SIPA1L1: variants seen among roughly 807,000 people sequenced by gnomAD.
SIPA1L1 encodes signal-induced proliferation-associated 1-like protein 1.
In SIPA1L1, 26 loss-of-function variants were observed where a neutral mutation model predicts 162.7. The ratio of observed to expected loss-of-function variants is 0.16; its 90% CI spans 0.12 to 0.22. The LOEUF is 0.22. Among genes scored for constraint, SIPA1L1 ranks in the 10% least tolerant of loss-of-function variants. SIPA1L1 has a pLI of 1.00. For missense variants in SIPA1L1, 1,874 were observed against 2,241.0 expected, an observed-to-expected ratio of 0.84 and a Z score of 3.31; for synonymous variants, 829 against 837.4, an observed-to-expected ratio of 0.99 and a Z score of 0.17.
chr14:71,555,640 A>G (rs1193946425), intron 4 of SIPA1L1, among the ~76,000 whole-genome samples: 1 of 152,154 alleles, frequency 6.6e-6, no homozygotes, highest in Non-Finnish European at 1.5e-5. Context: ...CAGCCTCTCA[A>G]CTTTCAAATG....
chr14:71,690,241 C>G (rs1013673301), intron 13 of SIPA1L1, among the ~76,000 whole-genome samples: 1 of 151,938 alleles, frequency 6.6e-6, no homozygotes, highest in Non-Finnish European at 1.5e-5. Context: ...TTCCATATTT[C>G]TTTTCATTTC....
intron 8 of SIPA1L1, among the ~76,000 whole-genome samples, chr14:71,657,858 G>A (rs1317840015): frequency 6.6e-6 from 1 of 151,960 alleles, no homozygotes; most frequent in Admixed American, 6.6e-5. Context: ...ATGGCCATAG[G>A]CAGTAAACCA....
At chr14:71,584,954 A>G (rs993314793) in intron 4 of SIPA1L1, among the ~76,000 whole-genome samples, 1 of 152,212 alleles carries the variant, frequency 6.6e-6, no homozygotes, top group Non-Finnish European at 1.5e-5. Flanking sequence ...TTGCTGTTTC[A>G]GTCAACCCTA....
chr14:71,523,512 T>C lies in SIPA1L1; in HGVS notation c.-361-5800T>C, dbSNP rs370429282. 1.3e-4 allele frequency among the ~76,000 whole-genome samples: 20 copies of C among 152,268 alleles called. No individual in the cohort carries two copies. In the East Asian group the frequency reaches 3.1e-3, roughly 24 times the overall value. On this transcript the variant is annotated intron_variant, in intron 3 of 23. Coordinates refer to ENST00000381232, the MANE Select transcript of SIPA1L1 (RefSeq NM_001386936.1). ...AATCAGGTAATTAACCTTGATAGAA[T>C]ACTGCTAACTGATCTCTACACTGCA...
At chr14:71,412,058 T>A (rs1363559948) in intron 2 of SIPA1L1, among the ~76,000 whole-genome samples, 1 of 152,234 alleles carries the variant, frequency 6.6e-6, no homozygotes, top group Admixed American at 6.5e-5. Context: ...GCTCATTAGT[T>A]AAAGATTAAC....
chr14:71,428,207 G>A (rs1473892173), intron 2 of SIPA1L1, among the ~76,000 whole-genome samples: 1 of 151,754 alleles, frequency 6.6e-6, no homozygotes, highest in Non-Finnish European at 1.5e-5. Flanking sequence ...TGTTGGCCAG[G>A]CTGGTCTCGA....
intron 3 of SIPA1L1, among the ~76,000 whole-genome samples, chr14:71,521,184 G>A (rs934481708): frequency 4.6e-5 from 7 of 152,132 alleles, no homozygotes; most frequent in East Asian, 3.8e-4. Flanking sequence ...CAATGGCTAG[G>A]TACATGGCTG....
chr14:71,660,743 G>T (rs1165473607), intron 9 of SIPA1L1, among the ~76,000 whole-genome samples: 1 of 152,172 alleles, frequency 6.6e-6, no homozygotes, highest in Non-Finnish European at 1.5e-5. Context: ...GAAACAGAGG[G>T]TGTCCCTAAG....
intron 2 of SIPA1L1, among the ~76,000 whole-genome samples, chr14:71,462,571 T>A (rs1485658658): frequency 1.3e-5 from 2 of 152,158 alleles, no homozygotes; most frequent in African/African-American, 2.4e-5. Flanking sequence ...AACTTTTCCT[T>A]CACCTTAGAA....
intron 4 of SIPA1L1, among the ~76,000 whole-genome samples, chr14:71,549,541 A>G (rs1567191457): frequency 6.6e-6 from 1 of 152,186 alleles, no homozygotes; most frequent in Non-Finnish European, 1.5e-5. Context: ...AACATCTCGT[A>G]TTTTTAATCA....
chr14:71,343,498 T>C (rs1423032057), intron 2 of SIPA1L1, among the ~76,000 whole-genome samples: 3 of 152,180 alleles, frequency 2.0e-5, no homozygotes, highest in South Asian at 4.1e-4. Context: ...TTCCTCTTTG[T>C]ATTATGGAAG....
intron 7 of SIPA1L1, among the ~76,000 whole-genome samples, chr14:71,642,641 C>A (rs2041828406): frequency 6.6e-6 from 1 of 152,086 alleles, no homozygotes; most frequent in South Asian, 2.1e-4. Context: ...ATCCAGCACC[C>A]AACAAGGTAA....
At chr14:71,598,253 A>T in intron 5 of SIPA1L1, 2 of 983,876 alleles carry the variant, frequency 2.0e-6, no homozygotes, top group Non-Finnish European at 2.4e-6. Flanking sequence ...TTTACTGGAC[A>T]CAACTGATGG....
intron 6 of SIPA1L1, among the ~76,000 whole-genome samples, chr14:71,623,740 T>A (rs1426676390): frequency 6.6e-6 from 1 of 152,242 alleles, no homozygotes; most frequent in Non-Finnish European, 1.5e-5. Flanking sequence ...GGTATAGCCA[T>A]ATAGAGACCT....
chr14:71,570,444 T>C (rs979739217), intron 4 of SIPA1L1, among the ~76,000 whole-genome samples: 1 of 151,976 alleles, frequency 6.6e-6, no homozygotes, highest in Non-Finnish European at 1.5e-5. Flanking sequence ...GGCTAAAGTT[T>C]TGTAGTGATA....
At chr14:71,718,988 G>A (rs772316192) in intron 17 of SIPA1L1, among the ~76,000 whole-genome samples, 1 of 151,836 alleles carries the variant, frequency 6.6e-6, no homozygotes, top group Non-Finnish European at 1.5e-5. Flanking sequence ...ACCCAGGCTG[G>A]AGTATAGTGG....
In SIPA1L1 at chr14:71,331,141, A is replaced by G. The variant is rs1000373722; in HGVS notation, c.-465+9960A>G. On this transcript the variant is annotated intron_variant, in intron 2 of 23. Coordinates refer to ENST00000381232, the MANE Select transcript of SIPA1L1 (RefSeq NM_001386936.1). ...TGGGTATCTTATTTTTTCCAACACCATTTGTTGAGAAGACTGTCCTTTCCT... is the reference window on the plus strand; with the variant it reads ...TGGGTATCTTATTTTTTCCAACACCGTTTGTTGAGAAGACTGTCCTTTCCT... Among the ~76,000 whole-genome samples the G allele has an allele frequency of 1.3e-5, 2 of 152,176 alleles. 1 individual carries two copies. Among genetic ancestry groups the G allele is most frequent in the African/African-American group, 4.8e-5 (2 of 41,442 alleles).
rs574776404 is a variant in SIPA1L1 at position 71,622,252 on chromosome 14, A to G, written c.1630-1796A>G. ...TTGCAAAACATAAAAGAAGATATAT[A>G]CCTTTGTAGGCATGGCAGTTTGTTT... On this transcript the variant is annotated intron_variant, in intron 6 of 23. Transcript: ENST00000381232. Among the ~76,000 whole-genome samples the G allele has an allele frequency of 3.3e-5, 5 of 152,342 alleles. No individual in the cohort carries two copies. In the East Asian group the frequency reaches 9.6e-4, roughly 29 times the overall value.
intron 2 of SIPA1L1, among the ~76,000 whole-genome samples, chr14:71,367,451 C>T (rs576484515): frequency 3.3e-5 from 5 of 151,902 alleles, no homozygotes; most frequent in African/African-American, 1.2e-4. Flanking sequence ...GGACTACAGG[C>T]GCCCGCCACC....
Sources: gnomAD v4.1 joint callset for allele counts (sites outside exome capture counted in the v4.1 genomes callset) on GRCh38, gnomAD v4.1.1 for gene constraint, MANE v1.5 for transcripts, NCBI Gene and HGNC (gene_info 2026-07-23, HGNC 2026-07-21) for gene names.